The following PHF24 variants were observed in gnomAD, a reference collection of about 807,000 sequenced individuals.
The protein encoded by PHF24 is PHD finger protein 24.
A neutral mutation model predicts 42.6 loss-of-function variants in PHF24; 25 were observed. That is an observed-to-expected ratio of 0.59 (90% confidence interval 0.43 to 0.82). PHF24 has a LOEUF of 0.82. Ranked by LOEUF, PHF24 falls within the 40% of genes least tolerant of loss-of-function variation. The pLI is 0.00. For synonymous variants in PHF24, 185 were observed against 204.8 expected, an observed-to-expected ratio of 0.90 and a Z score of 0.83; for missense variants, 470 against 538.1, an observed-to-expected ratio of 0.87 and a Z score of 1.25.
At chr9:34,909,181 A>G in the PHF24 span, among the ~76,000 whole-genome samples, 3 of 152,096 alleles carry the variant, frequency 2.0e-5, no homozygotes, top group African/African-American at 4.8e-5. Flanking sequence ...GGGTCTCACT[A>G]TGTTGACTAG....
chr9:34,843,416 G>A, the PHF24 span, among the ~76,000 whole-genome samples: 5 of 152,062 alleles, frequency 3.3e-5, no homozygotes, highest in Admixed American at 6.6e-5. Context: ...ATATGTATAG[G>A]CCTAGTTCTG....
chr9:34,877,358 T>TAA, the PHF24 span, among the ~76,000 whole-genome samples: 1 of 151,050 alleles, frequency 6.6e-6, no homozygotes, highest in Non-Finnish European at 1.5e-5. Flanking sequence ...CTAAGTGAAA[T>TAA]AAGCCAGACA....
chr9:34,681,856 C>T, the PHF24 span, among the ~76,000 whole-genome samples: 3 of 152,306 alleles, frequency 2.0e-5, no homozygotes, highest in African/African-American at 4.8e-5. Context: ...GGTCATAATC[C>T]GATAGGAGTA....
At chr9:34,712,590 G>A in the PHF24 span, among the ~76,000 whole-genome samples, 1 of 151,840 alleles carries the variant, frequency 6.6e-6, no homozygotes, top group Admixed American at 6.6e-5. Flanking sequence ...TTTGCTTCCA[G>A]AATTTCTGCT....
chr9:34,867,316 C>G, the PHF24 span, among the ~76,000 whole-genome samples: 1 of 152,244 alleles, frequency 6.6e-6, no homozygotes, highest in Non-Finnish European at 1.5e-5. Context: ...ATGTAAATCA[C>G]CATCCACTTG....
the PHF24 span, among the ~76,000 whole-genome samples, chr9:34,948,518 A>G: frequency 6.6e-6 from 1 of 152,098 alleles, no homozygotes; most frequent in Non-Finnish European, 1.5e-5. Context: ...TGTACCTTTT[A>G]TATGGTTAGA....
At chr9:34,716,514 G>C in the PHF24 span, among the ~76,000 whole-genome samples, 1 of 151,992 alleles carries the variant, frequency 6.6e-6, no homozygotes, top group Non-Finnish European at 1.5e-5. Flanking sequence ...ATTTTGTGTT[G>C]GAGGTTGCTT....
At chr9:34,898,769 C>A in the PHF24 span, among the ~76,000 whole-genome samples, 2 of 151,926 alleles carry the variant, frequency 1.3e-5, no homozygotes, top group Non-Finnish European at 2.9e-5. Flanking sequence ...ATTAGCCTGA[C>A]GTCTTGCACC....
the PHF24 span, among the ~76,000 whole-genome samples, chr9:34,952,409 A>AT: frequency 6.6e-6 from 1 of 152,216 alleles, no homozygotes; most frequent in Non-Finnish European, 1.5e-5. Flanking sequence ...GTATTCATGG[A>AT]TTTTAAGAGT....
the PHF24 span, among the ~76,000 whole-genome samples, chr9:34,735,403 G>A: frequency 6.6e-6 from 1 of 151,114 alleles, no homozygotes; most frequent in Non-Finnish European, 1.5e-5. Flanking sequence ...CCAAAGTGCT[G>A]GAATTACAAG....
the PHF24 span, among the ~76,000 whole-genome samples, chr9:34,786,994 T>C: frequency 0.02 from 2,982 of 152,238 alleles, 101 homozygotes; most frequent in African/African-American, 0.066. Context: ...CCCAGAATCC[T>C]GTGGGCCTAG....
the PHF24 span, chr9:34,922,251 T>C: frequency 6.3e-7 from 1 of 1,593,112 alleles, no homozygotes; most frequent in African/African-American, 1.3e-5. Flanking sequence ...CAATGTCAAG[T>C]TGTCTCTCAG....
the PHF24 span, among the ~76,000 whole-genome samples, chr9:34,739,572 G>A: frequency 7.9e-5 from 12 of 152,110 alleles, no homozygotes; most frequent in Admixed American, 6.5e-5. Context: ...CGCGTCTGGA[G>A]TTTGTTCCTT....
chr9:34,970,017 G>C (rs1210618888), intron 1 of PHF24, among the ~76,000 whole-genome samples: 1 of 152,216 alleles, frequency 6.6e-6, no homozygotes, highest in African/African-American at 2.4e-5. Flanking sequence ...AGTAGCTTGA[G>C]TGGTGAGACT....
At chr9:34,683,581 A>C in the PHF24 span, among the ~76,000 whole-genome samples, 1 of 152,300 alleles carries the variant, frequency 6.6e-6, no homozygotes, top group African/African-American at 2.4e-5. Context: ...CTCCTTCTAC[A>C]TTCCCTGCAA....
chr9:34,857,735 T>C, the PHF24 span, among the ~76,000 whole-genome samples: 2 of 152,344 alleles, frequency 1.3e-5, no homozygotes, highest in Admixed American at 1.3e-4. Context: ...CTGCTTCTAA[T>C]TGGCCGCCTT....
the PHF24 span, among the ~76,000 whole-genome samples, chr9:34,944,911 AAAAG>A: frequency 4.9e-4 from 74 of 152,162 alleles, 1 homozygote; most frequent in Non-Finnish European, 8.2e-4. Context: ...AAAAAGGAAA[AAAAG>A]AAAGAGAAAT....
chr9:34,927,766 C>T, the PHF24 span, among the ~76,000 whole-genome samples: 2 of 152,116 alleles, frequency 1.3e-5, no homozygotes, highest in Admixed American at 1.3e-4. Flanking sequence ...CACACTCCAC[C>T]ACTCTCCCTT....
chr9:34,668,766 GC>G, the PHF24 span, among the ~76,000 whole-genome samples: 6 of 152,188 alleles, frequency 3.9e-5, no homozygotes, highest in Admixed American at 1.3e-4. Flanking sequence ...AAACAGTTGT[GC>G]TGAATTTCAC....
Sources: allele counts gnomAD v4.1 joint callset (sites outside exome capture counted in the v4.1 genomes callset), GRCh38; gene constraint gnomAD v4.1.1; transcripts MANE v1.5; gene names NCBI Gene and HGNC (gene_info 2026-07-23, HGNC 2026-07-21).